Variants in MCC observed in about 807,000 individuals in gnomAD.
MCC encodes the protein MCC regulator of Wnt signaling pathway, also known as colorectal mutant cancer protein.
MCC carries 90 observed loss-of-function variants against 116.2 expected under a neutral mutation model. The ratio of observed to expected loss-of-function variants is 0.77; its 90% CI spans 0.65 to 0.92. MCC has a LOEUF of 0.92. MCC is among the 40% of genes least tolerant of loss of function. The probability of loss-of-function intolerance (pLI) is 0.00; values close to 1 mark genes in which losing one functional copy is unlikely to be tolerated. For missense variants in MCC, 1,516 were observed against 1,312.2 expected, an observed-to-expected ratio of 1.16 and a Z score of -2.40; for synonymous variants, 578 against 510.5, an observed-to-expected ratio of 1.13 and a Z score of -1.78.
At position 113,092,398 on chromosome 5, in the gene MCC, G is replaced by C. The variant is rs185102494; in HGVS notation, c.1399-7088C>G. ...TATTCTCCCCTCCAGCCTCCAGAGAGATGCAGCCTTGCCGACACTTTCATT... is the reference window on the plus strand; with the variant it reads ...TATTCTCCCCTCCAGCCTCCAGAGACATGCAGCCTTGCCGACACTTTCATT... On this transcript the variant is annotated intron_variant, in intron 8 of 18. Transcript: ENST00000408903. Among the ~76,000 whole-genome samples the C allele has an allele frequency of 4.9e-4, 74 of 152,322 alleles. 1 individual carries two copies. The East Asian group carries it at 9.7e-3, about 20-fold the overall frequency.
At chr5:113,243,820 A>G (rs534001242) in intron 3 of MCC, among the ~76,000 whole-genome samples, 1 of 152,346 alleles carries the variant, frequency 6.6e-6, no homozygotes, top group South Asian at 2.1e-4. Context: ...CCAATGCTCT[A>G]GCCAAGCAAC....
intron 1 of MCC, among the ~76,000 whole-genome samples, chr5:113,414,681 C>G (rs1770094046): frequency 1.3e-5 from 2 of 152,062 alleles, no homozygotes; most frequent in Non-Finnish European, 2.9e-5. Context: ...GATGGGTCTC[C>G]TGAATATAGG....
intron 3 of MCC, among the ~76,000 whole-genome samples, chr5:113,314,896 G>A (rs1410291244): frequency 6.6e-6 from 1 of 152,078 alleles, no homozygotes; most frequent in Non-Finnish European, 1.5e-5. Flanking sequence ...CCTCCATTGG[G>A]TCATAACCTT....
Position 113,331,826 on chromosome 5 carries a change from C to T in MCC, c.627+8693G>A, listed in dbSNP as rs1228497695. 4.6e-5 allele frequency among the ~76,000 whole-genome samples: 7 copies of T among 151,382 alleles called. No individual in the cohort carries two copies. In the South Asian group the frequency reaches 6.2e-4, roughly 13 times the overall value. ...CTAATTTTTGTATTATTAGTAGAGA[C>T]GGGGTTTCACCATGTTAACCAGGCC... On this transcript the variant is annotated intron_variant, in intron 3 of 18. Transcript: ENST00000408903.
chr5:113,360,170 G>A (rs1768511128), intron 2 of MCC, among the ~76,000 whole-genome samples: 1 of 146,212 alleles, frequency 6.8e-6, no homozygotes, highest in African/African-American at 2.7e-5. Context: ...GAAAATGCCA[G>A]GGGAAAAAAT....
chr5:113,224,053 C>G (rs1432326160), intron 3 of MCC, among the ~76,000 whole-genome samples: 1 of 152,094 alleles, frequency 6.6e-6, no homozygotes, highest in African/African-American at 2.4e-5. Context: ...AATGCTCATA[C>G]CAATTCTTGG....
In MCC at chr5:113,314,208, T is replaced by C. The variant is rs150396862; in HGVS notation, c.627+26311A>G. ...ATCTGTCATTTTCTAGGCAAAATGA[T>C]AGAGTATAATTTAAAAATCATGGGG... On this transcript the variant is annotated intron_variant, in intron 3 of 18. Transcript: ENST00000408903. 7.7e-4 allele frequency among the ~76,000 whole-genome samples: 118 copies of C among 152,302 alleles called. 1 individual carries two copies. In the Middle Eastern group the frequency reaches 0.014, roughly 18 times the overall value.
chr5:113,358,261 T>C (rs1190926786), intron 2 of MCC, among the ~76,000 whole-genome samples: 3 of 152,206 alleles, frequency 2.0e-5, no homozygotes, highest in Non-Finnish European at 4.4e-5. Context: ...ACTTCCCTAT[T>C]CTACTTGGCC....
In MCC at chr5:113,024,485, G is replaced by C. The variant is rs1252769980; in HGVS notation, c.*2817C>G. On this transcript the variant is annotated 3_prime_UTR_variant, in exon 19 of 19. Coordinates refer to ENST00000408903, the MANE Select transcript of MCC (RefSeq NM_001085377.2). ...ATATTCCAAGGGAACTGTGAAATGG[G>C]TCCTTTGGCTCTGTGCCCATTTCTT... 1 of 152,214 alleles carries C rather than the reference G, an allele frequency of 6.6e-6. No individual in the cohort carries two copies. Among genetic ancestry groups the C allele is most frequent in the African/African-American group, 2.4e-5 (1 of 41,460 alleles). The allele number at this position is 152,214 out of a possible 1,614,324, so 9.4% of individuals were successfully genotyped here.
At chr5:113,323,697 A>G (rs917112819) in intron 3 of MCC, among the ~76,000 whole-genome samples, 4 of 152,226 alleles carry the variant, frequency 2.6e-5, no homozygotes, top group African/African-American at 7.2e-5. Flanking sequence ...ATGAATCTTT[A>G]GAAGACTAAT....
At chr5:113,067,629 T>C (rs1222811779) in intron 13 of MCC, among the ~76,000 whole-genome samples, 3 of 151,900 alleles carry the variant, frequency 2.0e-5, no homozygotes, top group African/African-American at 7.3e-5. Flanking sequence ...AGAGCAAAAC[T>C]CCATCTCAAA....
At chr5:113,220,207 G>A (rs978768675) in intron 3 of MCC, among the ~76,000 whole-genome samples, 2 of 141,418 alleles carry the variant, frequency 1.4e-5, no homozygotes, top group Non-Finnish European at 3.2e-5. Flanking sequence ...ACAGGCGCCC[G>A]CCACCACGCC....
chr5:113,162,944 T>G (rs971265456), intron 3 of MCC, among the ~76,000 whole-genome samples: 6 of 152,314 alleles, frequency 3.9e-5, no homozygotes, highest in African/African-American at 1.4e-4. Flanking sequence ...TCAGAATGAT[T>G]CAACACATTG....
intron 3 of MCC, among the ~76,000 whole-genome samples, chr5:113,333,481 A>G (rs1260380790): frequency 3.3e-5 from 5 of 151,556 alleles, no homozygotes; most frequent in Non-Finnish European, 5.9e-5. Flanking sequence ...TATTTGCACA[A>G]CTCATGACTT....
intron 1 of MCC, among the ~76,000 whole-genome samples, chr5:113,431,500 G>A (rs60810500): frequency 0.3 from 45,428 of 151,846 alleles, 8,742 homozygotes; most frequent in African/African-American, 0.53. Context: ...CTATTTCCAA[G>A]CAAGGTCACA....
At chr5:113,448,236 G>A (rs1303245804) in intron 1 of MCC, 2 of 152,196 alleles carry the variant, frequency 1.3e-5, no homozygotes, top group African/African-American at 4.8e-5. Flanking sequence ...GGCACCATGA[G>A]TGGGGTCAAT....
At chr5:113,428,125 T>C (rs1258881563) in intron 1 of MCC, among the ~76,000 whole-genome samples, 1 of 152,144 alleles carries the variant, frequency 6.6e-6, no homozygotes, top group Admixed American at 6.5e-5. Context: ...ATTCTACAAC[T>C]ATTAACCAGT....
intron 1 of MCC, among the ~76,000 whole-genome samples, chr5:113,386,467 C>T (rs13187823): frequency 3.9e-5 from 6 of 151,992 alleles, no homozygotes; most frequent in African/African-American, 9.7e-5. Context: ...TCCCCTCCCC[C>T]ACCTCTGCCC....
intron 11 of MCC, among the ~76,000 whole-genome samples, chr5:113,082,124 G>A (rs1160066070): frequency 2.0e-5 from 3 of 152,216 alleles, no homozygotes; most frequent in Non-Finnish European, 4.4e-5. Context: ...TCACTGGCAT[G>A]ACACATAAGA....
Sources: allele counts gnomAD v4.1 joint callset (sites outside exome capture counted in the v4.1 genomes callset), GRCh38; gene constraint gnomAD v4.1.1; transcripts MANE v1.5; gene names NCBI Gene and HGNC (gene_info 2026-07-23, HGNC 2026-07-21).